GABPA: variants seen among roughly 807,000 people sequenced by gnomAD.
GABPA encodes GA-binding protein alpha chain.
GABPA carries 4 observed loss-of-function variants against 59.4 expected under a neutral mutation model. The ratio of observed to expected loss-of-function variants is 0.07; its 90% CI spans 0.03 to 0.15. The LOEUF (loss-of-function observed/expected upper bound fraction) is 0.15, where lower values mean the gene tolerates loss of function less well. Ranked by LOEUF, GABPA falls within the 10% of genes least tolerant of loss-of-function variation. The pLI is 1.00. For synonymous variants in GABPA, 164 were observed against 183.1 expected (o/e 0.90, Z 0.84); for missense variants, 251 against 543.8 (o/e 0.46, Z 5.36).
chr21:25,755,377 A>G (rs2035608636), intron 5 of GABPA, among the ~76,000 whole-genome samples: 1 of 149,376 alleles, frequency 6.7e-6, no homozygotes, highest in Non-Finnish European at 1.5e-5. Context: ...TTGAGGCTAT[A>G]GAGAGCTTTG....
At chr21:25,735,764 A>AG (rs77001555) in intron 1 of GABPA, 186 bp downstream of exon 1, 146,358 of 146,360 alleles carry the variant, frequency 1, 73,178 homozygotes, top group Non-Finnish European at 1. Context: ...GGGGCGGGAG[A>AG]GCTGTGCGGG....
intron 4 of GABPA, among the ~76,000 whole-genome samples, chr21:25,749,882 A>G (rs918631193): frequency 3.9e-5 from 6 of 152,208 alleles, no homozygotes; most frequent in South Asian, 2.1e-4. Flanking sequence ...ATGGTCCCCA[A>G]CCTTTTTTGG....
chr21:25,772,301 G>C lies in GABPA; in HGVS notation c.*3069G>C, dbSNP rs915357382. ...TTTTTACTCTTTAAATAACGACAAC[G>C]ACACTTATACTGTCATAATAACAAT... On this transcript the variant is annotated 3_prime_UTR_variant, in exon 10 of 10. Coordinates refer to ENST00000400075, the MANE Select transcript of GABPA (RefSeq NM_002040.4). 6.6e-6 allele frequency: 1 copy of C among 151,926 alleles called. No homozygotes were observed. The highest frequency in any genetic ancestry group is 1.9e-4 in the East Asian group (1 of 5,204). 9.4% of individuals were successfully genotyped at this position (151,926 alleles called of 1,614,324 possible).
Position 25,764,682 on chromosome 21 carries a change from A to T in GABPA, c.1031A>T (p.Asp344Val). The change falls in exon 9 of 10, where the codon GAT becomes GTT. Residue 344 changes from aspartate (D) to valine (V), a missense_variant. Around this residue, in one of 4 missense-constraint regions of GABPA, gnomAD observed 21 missense variants for 79.8 expected, o/e 0.26. Transcript: ENST00000400075. ...DARDCISWVGDEGEFKLNQPE... is the reference protein window; with the variant it reads ...DARDCISWVGVEGEFKLNQPE... ...CGAGACTGCATTTCTTGGGTTGGTGATGAAGGTGAATTTAAGCTAAATCAG... is the reference window on the plus strand; with the variant it reads ...CGAGACTGCATTTCTTGGGTTGGTGTTGAAGGTGAATTTAAGCTAAATCAG... 6.2e-7 allele frequency: 1 copy of T among 1,612,784 alleles called. No homozygotes were observed. The highest frequency in any genetic ancestry group is 8.5e-7 in the Non-Finnish European group (1 of 1,179,118).
intron 4 of GABPA, among the ~76,000 whole-genome samples, chr21:25,749,798 T>C (rs1226993540): frequency 1.3e-5 from 2 of 152,218 alleles, no homozygotes; most frequent in African/African-American, 4.8e-5. Flanking sequence ...GTCACTACAC[T>C]GCATCTTGGG....
In GABPA at chr21:25,772,270, CA is replaced by C. The variant is rs1248656782; in HGVS notation, c.*3039del. The C allele has an allele frequency of 6.6e-6, 1 of 152,002 alleles. No individual in the cohort carries two copies. The highest frequency in any genetic ancestry group is 1.5e-5 in the Non-Finnish European group (1 of 67,918). The allele number at this position is 152,002 out of a possible 1,614,324, so 9.4% of individuals were successfully genotyped here. On this transcript the variant is annotated 3_prime_UTR_variant, in exon 10 of 10. Coordinates refer to ENST00000400075, the MANE Select transcript of GABPA (RefSeq NM_002040.4). ...TTTGTAAATGGGAGGAGGACTTTTG[CA>C]TACATTTTTACTCTTTAAATAACGA...
At chr21:25,744,791 T>C (rs71649672) in intron 2 of GABPA, among the ~76,000 whole-genome samples, 2,623 of 152,068 alleles carry the variant, frequency 0.017, 40 homozygotes, top group Non-Finnish European at 0.027. Context: ...ATATCTTTCT[T>C]TTTTTTTATG....
At chr21:25,768,778 A>G (rs929205243) in intron 9 of GABPA, among the ~76,000 whole-genome samples, 2 of 152,140 alleles carry the variant, frequency 1.3e-5, no homozygotes, top group African/African-American at 4.8e-5. Context: ...ATGTTTTGAA[A>G]GTTTAATGTA....
chr21:25,736,733 C>A (rs922890904), intron 1 of GABPA, among the ~76,000 whole-genome samples: 1 of 152,162 alleles, frequency 6.6e-6, no homozygotes, highest in Admixed American at 6.5e-5. Flanking sequence ...GGGAAAAAAT[C>A]ATGCAGTGAA....
chr21:25,751,413 C>T (rs1337779954), intron 4 of GABPA, among the ~76,000 whole-genome samples: 1 of 151,004 alleles, frequency 6.6e-6, no homozygotes, highest in Non-Finnish European at 1.5e-5. Context: ...GTTCTTAACA[C>T]CTTTATACTA....
Position 25,771,164 on chromosome 21 carries a change from A to C in GABPA, c.*1932A>C, listed in dbSNP as rs2036002226. The C allele has an allele frequency of 6.6e-6, 1 of 151,950 alleles. No individual in the cohort carries two copies. The highest frequency in any genetic ancestry group is 1.5e-5 in the Non-Finnish European group (1 of 67,868). The allele number at this position is 151,950 out of a possible 1,614,324, so 9.4% of individuals were successfully genotyped here. A position where few individuals can be genotyped will look rare whatever the true frequency, so the allele number is the denominator to read the frequency against. On this transcript the variant is annotated 3_prime_UTR_variant, in exon 10 of 10. Transcript: ENST00000400075. ...TATACCCTTCTGGTATATCATCAAG[A>C]GCTTAAGAATCTTGGCTTTCATATT...
chr21:25,737,064 A>C (rs2035090154), intron 1 of GABPA, among the ~76,000 whole-genome samples: 1 of 152,214 alleles, frequency 6.6e-6, no homozygotes, highest in African/African-American at 2.4e-5. Context: ...TGTTACACCT[A>C]TCTGTATTTT....
intron 5 of GABPA, among the ~76,000 whole-genome samples, chr21:25,757,104 T>A (rs904701409): frequency 6.6e-6 from 1 of 151,972 alleles, no homozygotes; most frequent in Non-Finnish European, 1.5e-5. Flanking sequence ...CTAAATGTTA[T>A]TTTTTTTCTA....
chr21:25,764,469 A>G, intron 8 of GABPA, 119 bp downstream of exon 8: 1 of 1,424,342 alleles, frequency 7.0e-7, no homozygotes, highest in Non-Finnish European at 9.6e-7. Flanking sequence ...TTTAGACAGC[A>G]TTTCTAGAAA....
intron 6 of GABPA, among the ~76,000 whole-genome samples, chr21:25,760,857 T>C (rs1477689026): frequency 2.0e-5 from 3 of 151,004 alleles, no homozygotes; most frequent in East Asian, 3.9e-4. Flanking sequence ...GACCAGTCTT[T>C]CAAAAACTTT....
Position 25,758,600 on chromosome 21 carries a change from C to T in GABPA, c.748+396C>T, listed in dbSNP as rs2035692020. Among the ~76,000 whole-genome samples, 11 of 152,180 alleles carry T rather than the reference C, an allele frequency of 7.2e-5. 1 individual carries two copies. In the South Asian group the frequency reaches 2.3e-3, roughly 32 times the overall value. On this transcript the variant is annotated intron_variant, in intron 6 of 9. Coordinates refer to ENST00000400075, the MANE Select transcript of GABPA (RefSeq NM_002040.4). ...ATCAGCTCTTACATTTACTGCTCAT[C>T]TAGAAACGGAAGAGATCATTTGTTT... is the stretch of plus-strand genomic sequence containing the variant.
intron 1 of GABPA, among the ~76,000 whole-genome samples, chr21:25,736,019 C>G (rs935243119): frequency 6.6e-6 from 1 of 152,236 alleles, no homozygotes; most frequent in South Asian, 2.1e-4. Context: ...CATTTCAAAT[C>G]CGCTCTCTTT....
Position 25,755,482 on chromosome 21 carries a change from A to AATATTTAT in GABPA, c.554-2526_554-2519dup, listed in dbSNP as rs1200902229. ...CAAAGAAAAGAGTTTCAAACGTGTC[A>AATATTTAT]ATATTTATAGATCTTTTTGCAGATA... is the stretch of plus-strand genomic sequence containing the variant. On this transcript the variant is annotated intron_variant, in intron 5 of 9. Coordinates refer to ENST00000400075, the MANE Select transcript of GABPA (RefSeq NM_002040.4). Among the ~76,000 whole-genome samples the AATATTTAT allele has an allele frequency of 7.2e-5, 11 of 151,804 alleles. No individual in the cohort carries two copies. In the East Asian group the frequency reaches 2.1e-3, roughly 29 times the overall value.
chr21:25,769,291 T>A lies in GABPA; in HGVS notation c.*59T>A. Reference sequence around the variant, plus strand: ...TTAAAATGTTTAGAGCAAGTATAGCTCTTACCTTTATTACTGAATTTGAAT... The same window carrying A: ...TTAAAATGTTTAGAGCAAGTATAGCACTTACCTTTATTACTGAATTTGAAT... On this transcript the variant is annotated 3_prime_UTR_variant, in exon 10 of 10. Coordinates refer to ENST00000400075, the MANE Select transcript of GABPA (RefSeq NM_002040.4). 1 of 850,880 alleles carries A rather than the reference T, an allele frequency of 1.2e-6. No homozygotes were observed. The highest frequency in any genetic ancestry group is 2.2e-5 in the Admixed American group (1 of 44,880). 52.7% of individuals were successfully genotyped at this position (850,880 alleles called of 1,614,324 possible).
Sources: allele counts gnomAD v4.1 joint callset (sites outside exome capture counted in the v4.1 genomes callset), GRCh38; gene constraint gnomAD v4.1.1; regional missense constraint gnomAD v4.1.1; transcripts MANE v1.5; gene names NCBI Gene and HGNC (gene_info 2026-07-23, HGNC 2026-07-21).